The following MAF variants were observed in gnomAD, a reference collection of about 807,000 sequenced individuals.
MAF encodes MAF bZIP transcription factor.
A neutral mutation model predicts 22.0 loss-of-function variants in MAF; 10 were observed. That is an observed-to-expected ratio of 0.45 (90% CI 0.28 to 0.77). The LOEUF is 0.77. Among genes scored for constraint, MAF ranks in the 30% least tolerant of loss-of-function variants. MAF has a pLI of 0.12. For synonymous variants in MAF, 337 were observed against 255.8 expected (o/e 1.32, Z -3.03); for missense variants, 544 against 548.4 (o/e 0.99, Z 0.08).
the MAF span, among the ~76,000 whole-genome samples, chr16:79,495,463 A>T: frequency 6.6e-6 from 1 of 152,166 alleles, no homozygotes; most frequent in African/African-American, 2.4e-5. Context: ...CTTAAAAAAT[A>T]AATAAAAGAT....
chr16:79,496,963 G>C, the MAF span, among the ~76,000 whole-genome samples: 1 of 152,084 alleles, frequency 6.6e-6, no homozygotes, highest in African/African-American at 2.4e-5. Flanking sequence ...TGTAATTCTT[G>C]GTCTTGGTTG....
At chr16:79,356,264 C>T in the MAF span, among the ~76,000 whole-genome samples, 14 of 152,224 alleles carry the variant, frequency 9.2e-5, 1 homozygote, top group South Asian at 2.1e-3. Flanking sequence ...ATCACACATG[C>T]GACACAGCTC....
chr16:79,481,030 C>T, the MAF span, among the ~76,000 whole-genome samples: 3 of 152,282 alleles, frequency 2.0e-5, no homozygotes, highest in South Asian at 6.2e-4. Context: ...CTTAACACAA[C>T]CTGTAGTGTG....
the MAF span, among the ~76,000 whole-genome samples, chr16:79,271,938 G>A: frequency 0.98 from 149,410 of 152,252 alleles, 73,371 homozygotes; most frequent in East Asian, 1. Context: ...ACAGCAAAAC[G>A]GGGGCCCACA....
the MAF span, among the ~76,000 whole-genome samples, chr16:79,565,011 G>A: frequency 6.6e-6 from 1 of 152,150 alleles, no homozygotes. Context: ...GGTGGAGCTG[G>A]GAGAGGGCAA....
At chr16:79,441,759 G>A in the MAF span, among the ~76,000 whole-genome samples, 6 of 152,220 alleles carry the variant, frequency 3.9e-5, no homozygotes, top group Admixed American at 6.5e-5. Flanking sequence ...TTCGGTGACT[G>A]AAATACTTAT....
chr16:79,590,696 G>C (rs1848602107), downstream of MAF, among the ~76,000 whole-genome samples: 1 of 152,052 alleles, frequency 6.6e-6, no homozygotes. Context: ...CCTTCTTGGT[G>C]GGAGGTTTTG....
At chr16:79,544,766 C>G in the MAF span, among the ~76,000 whole-genome samples, 1 of 103,772 alleles carries the variant, frequency 9.6e-6, no homozygotes, top group African/African-American at 3.3e-5. Flanking sequence ...GAGCAAGGCT[C>G]TGTCTCAAAA....
the MAF span, among the ~76,000 whole-genome samples, chr16:79,363,428 G>C: frequency 6.6e-6 from 1 of 152,076 alleles, no homozygotes; most frequent in Non-Finnish European, 1.5e-5. Flanking sequence ...GCCTACAGTT[G>C]GGCAAAATCA....
chr16:79,414,832 T>C, the MAF span, among the ~76,000 whole-genome samples: 1 of 152,354 alleles, frequency 6.6e-6, no homozygotes, highest in Non-Finnish European at 1.5e-5. Flanking sequence ...ATGCACGTGA[T>C]ATCCATTGTA....
intron 1 of MAF, chr16:79,594,773 T>C (rs1913414736): frequency 7.4e-7 from 1 of 1,343,682 alleles, no homozygotes; most frequent in Non-Finnish European, 9.6e-7. Flanking sequence ...CAGTAATTGT[T>C]ATTTCTAAAA....
At chr16:79,253,771 G>A in the MAF span, among the ~76,000 whole-genome samples, 1 of 152,100 alleles carries the variant, frequency 6.6e-6, no homozygotes, top group Non-Finnish European at 1.5e-5. Flanking sequence ...TCCCGTCTGC[G>A]AGGCCTGGGA....
chr16:79,290,861 T>C, the MAF span, among the ~76,000 whole-genome samples: 1 of 152,108 alleles, frequency 6.6e-6, no homozygotes, highest in Non-Finnish European at 1.5e-5. Context: ...CACCCTCAGT[T>C]AAAAATGCAG....
At chr16:79,528,183 G>C in the MAF span, among the ~76,000 whole-genome samples, 9 of 152,150 alleles carry the variant, frequency 5.9e-5, no homozygotes, top group African/African-American at 2.2e-4. Flanking sequence ...AGTTCAAGTT[G>C]CCAGGGATCT....
chr16:79,460,972 C>T, the MAF span, among the ~76,000 whole-genome samples: 1 of 151,882 alleles, frequency 6.6e-6, no homozygotes, highest in Admixed American at 6.6e-5. Flanking sequence ...TCTGAGTCTC[C>T]CTGGCTGCCT....
the MAF span, among the ~76,000 whole-genome samples, chr16:79,522,976 C>T: frequency 1.2e-4 from 19 of 152,272 alleles, no homozygotes; most frequent in South Asian, 1.0e-3. Flanking sequence ...AATCTTACCC[C>T]GCACAGGGAG....
At chr16:79,340,978 T>C in the MAF span, among the ~76,000 whole-genome samples, 1 of 152,094 alleles carries the variant, frequency 6.6e-6, no homozygotes, top group African/African-American at 2.4e-5. Context: ...AGATGGGACC[T>C]CAAGATGAAG....
chr16:79,299,457 G>T, the MAF span, among the ~76,000 whole-genome samples: 2 of 152,276 alleles, frequency 1.3e-5, no homozygotes, highest in East Asian at 3.9e-4. Flanking sequence ...GGTCCTAAAT[G>T]CCAGGCCTGG....
the MAF span, among the ~76,000 whole-genome samples, chr16:79,521,215 T>C: frequency 4.9e-3 from 742 of 152,336 alleles, 5 homozygotes; most frequent in Middle Eastern, 0.01. Flanking sequence ...CCACAGTACA[T>C]ACTTTCCCTA....
Sources: allele counts gnomAD v4.1 joint callset (sites outside exome capture counted in the v4.1 genomes callset), GRCh38; gene constraint gnomAD v4.1.1; transcripts MANE v1.5; gene names NCBI Gene and HGNC (gene_info 2026-07-23, HGNC 2026-07-21).